Variants in TMEM182 observed in about 807,000 individuals in gnomAD.
TMEM182 encodes transmembrane protein 182.
TMEM182 carries 20 observed loss-of-function variants against 26.8 expected under a neutral mutation model. That is an observed-to-expected ratio of 0.75 (90% CI 0.53 to 1.09). The LOEUF (loss-of-function observed/expected upper bound fraction) is 1.09, where lower values mean the gene tolerates loss of function less well. Ranked by LOEUF, TMEM182 falls within the 50% of genes least tolerant of loss-of-function variation. The pLI is 0.00. For synonymous variants in TMEM182, 109 were observed against 102.2 expected (o/e 1.07, Z -0.40); for missense variants, 277 against 275.5 (o/e 1.01, Z -0.04).
intron 3 of TMEM182, among the ~76,000 whole-genome samples, chr2:102,774,605 C>T (rs1055618684): frequency 6.6e-6 from 1 of 152,002 alleles, no homozygotes; most frequent in African/African-American, 2.4e-5. Context: ...ATGAATTACG[C>T]TTACATTTCT....
At chr2:102,769,447 G>A (rs2104671411) in intron 3 of TMEM182, among the ~76,000 whole-genome samples, 1 of 152,164 alleles carries the variant, frequency 6.6e-6, no homozygotes, top group East Asian at 1.9e-4. Flanking sequence ...AAAGTAATGT[G>A]GACACATACC....
At chr2:102,810,520 C>T (rs972462067) in intron 4 of TMEM182, among the ~76,000 whole-genome samples, 11 of 152,064 alleles carry the variant, frequency 7.2e-5, no homozygotes, top group Admixed American at 3.9e-4. Flanking sequence ...ATTGAATTCA[C>T]GGCATTTAAA....
rs139821289 is a variant in TMEM182, at chr2:102,741,492, C to T, written c.-83+4479C>T. 1.2e-3 allele frequency among the ~76,000 whole-genome samples: 187 copies of T among 152,192 alleles called. 1 individual carries two copies. The highest frequency in any genetic ancestry group is 1.1e-3 in the Non-Finnish European group (74 of 68,006). ...AATACACCAAGAGCATTCTCTGTAA[C>T]AAAGGTGAACCATGTGAGGGAAACT... On this transcript the variant is annotated intron_variant, in intron 1 of 5. Transcript: ENST00000409173.
chr2:102,811,980 G>A (rs1309660058), intron 4 of TMEM182, among the ~76,000 whole-genome samples: 2 of 152,130 alleles, frequency 1.3e-5, no homozygotes, highest in Non-Finnish European at 2.9e-5. Context: ...AAGAAAGAGA[G>A]CCACAAAATA....
chr2:102,796,757 G>A (rs1274238059), intron 3 of TMEM182, among the ~76,000 whole-genome samples: 3 of 152,112 alleles, frequency 2.0e-5, no homozygotes, highest in Non-Finnish European at 2.9e-5. Flanking sequence ...ATAAAAATCC[G>A]AGCCTTCCTT....
At chr2:102,769,201 G>A (rs1680579191) in intron 3 of TMEM182, among the ~76,000 whole-genome samples, 1 of 152,184 alleles carries the variant, frequency 6.6e-6, no homozygotes, top group South Asian at 2.1e-4. Flanking sequence ...ACACAGAAGG[G>A]AAATGGAGAA....
At chr2:102,782,467 G>C (rs1681212061) in intron 3 of TMEM182, among the ~76,000 whole-genome samples, 2 of 151,800 alleles carry the variant, frequency 1.3e-5, no homozygotes, top group South Asian at 4.2e-4. Flanking sequence ...CAAATTAAAT[G>C]GAATGATGAA....
chr2:102,803,379 G>T (rs948540511), intron 4 of TMEM182, among the ~76,000 whole-genome samples: 1 of 152,194 alleles, frequency 6.6e-6, no homozygotes, highest in Admixed American at 6.5e-5. Flanking sequence ...AGTGCTTTCT[G>T]TAAGTGTAGG....
intron 3 of TMEM182, among the ~76,000 whole-genome samples, chr2:102,781,730 G>A (rs185273521): frequency 1.3e-5 from 2 of 152,282 alleles, no homozygotes; most frequent in Admixed American, 6.5e-5. Context: ...AGGCGCAACC[G>A]AAATCTAATC....
chr2:102,814,949 A>C lies in TMEM182; in HGVS notation c.671A>C (p.His224Pro), dbSNP rs1259302538. 6.2e-7 allele frequency: 1 copy of C among 1,613,914 alleles called. No homozygotes were observed. The highest frequency in any genetic ancestry group is 8.5e-7 in the Non-Finnish European group (1 of 1,179,926). Residue 224 changes from histidine (H) to proline (P), a missense_variant, in exon 5 of 5, where the codon CAT becomes CCT. His to Pro is a moderately conservative substitution (Grantham distance 77). Coordinates refer to ENST00000412401, the MANE Select transcript of TMEM182 (RefSeq NM_144632.5). The part of the protein sequence containing the change: ...AGLLFLVVGW[H>P]IQIHH ...TTACTATTTCTGGTTGTTGGATGGCATATTCAGATACATCACTAAATCAAC... is the reference window on the plus strand; with the variant it reads ...TTACTATTTCTGGTTGTTGGATGGCCTATTCAGATACATCACTAAATCAAC...
chr2:102,833,253 G>A (rs906625701), intron 3 of TMEM182, among the ~76,000 whole-genome samples: 1 of 152,100 alleles, frequency 6.6e-6, no homozygotes, highest in Non-Finnish European at 1.5e-5. Flanking sequence ...GTATAAATCA[G>A]TCATAGATAG....
At chr2:102,797,670 T>C (rs953940356) in intron 3 of TMEM182, 193 bp from the exon 4 acceptor site, 21 of 586,996 alleles carry the variant, frequency 3.6e-5, no homozygotes, top group Non-Finnish European at 4.9e-5. Context: ...GGTCACCAGC[T>C]TGGACATCAC....
chr2:102,770,098 A>G (rs1680610426), intron 3 of TMEM182, among the ~76,000 whole-genome samples: 1 of 152,200 alleles, frequency 6.6e-6, no homozygotes, highest in Non-Finnish European at 1.5e-5. Context: ...AAGACAGTAA[A>G]ATACCAATTA....
At chr2:102,776,726 G>T (rs76625767) in intron 3 of TMEM182, among the ~76,000 whole-genome samples, 1 of 152,116 alleles carries the variant, frequency 6.6e-6, no homozygotes, top group Admixed American at 6.6e-5. Flanking sequence ...AAGAAGCTGC[G>T]AAGCGGTCTT....
intron 3 of TMEM182, among the ~76,000 whole-genome samples, chr2:102,767,174 C>T (rs1373811782): frequency 6.6e-6 from 1 of 152,184 alleles, no homozygotes; most frequent in Non-Finnish European, 1.5e-5. Flanking sequence ...TACATTGGCT[C>T]TTTCTACCTT....
At chr2:102,743,270 T>G (rs775498206) in intron 1 of TMEM182, among the ~76,000 whole-genome samples, 1 of 152,102 alleles carries the variant, frequency 6.6e-6, no homozygotes, top group Non-Finnish European at 1.5e-5. Context: ...CCACAAAATG[T>G]TTTGAAAAAT....
chr2:102,833,755 C>T (rs1683192859), intron 3 of TMEM182, among the ~76,000 whole-genome samples: 1 of 152,162 alleles, frequency 6.6e-6, no homozygotes. Flanking sequence ...GGCCTTGAAA[C>T]ATTTGAAGAG....
intron 3 of TMEM182, among the ~76,000 whole-genome samples, chr2:102,834,724 GGGCTCCT>G (rs1683210233): frequency 6.6e-6 from 1 of 152,166 alleles, no homozygotes; most frequent in African/African-American, 2.4e-5. Flanking sequence ...AACAGGCTCA[GGGCTCCT>G]GCAGGTCCAG....
intron 3 of TMEM182, among the ~76,000 whole-genome samples, chr2:102,793,545 G>C (rs1416209478): frequency 6.6e-6 from 1 of 152,116 alleles, no homozygotes; most frequent in Non-Finnish European, 1.5e-5. Flanking sequence ...TCCCCCTGAG[G>C]ATATGAAAAT....
Sources: gnomAD v4.1 joint callset for allele counts (sites outside exome capture counted in the v4.1 genomes callset) on GRCh38, gnomAD v4.1.1 for gene constraint, MANE v1.5 for transcripts, NCBI Gene and HGNC (gene_info 2026-07-23, HGNC 2026-07-21) for gene names.